The following SKAP2 variants were observed in gnomAD, a reference collection of about 807,000 sequenced individuals.
The protein encoded by SKAP2 is src kinase associated phosphoprotein 2, also known as src kinase-associated phosphoprotein 2.
A neutral mutation model predicts 54.9 loss-of-function variants in SKAP2; 28 were observed. The ratio of observed to expected loss-of-function variants is 0.51; its 90% CI spans 0.38 to 0.70. The LOEUF (loss-of-function observed/expected upper bound fraction) is 0.70. Among genes scored for constraint, SKAP2 ranks in the 30% least tolerant of loss-of-function variants. SKAP2 has a pLI of 0.00. For missense variants in SKAP2, 356 were observed against 424.1 expected, an observed-to-expected ratio of 0.84 and a Z score of 1.41; for synonymous variants, 137 against 134.3, an observed-to-expected ratio of 1.02 and a Z score of -0.14.
chr7:26,854,061 G>A (rs963235989), intron 3 of SKAP2, 76 bp downstream of exon 3: 2 of 899,426 alleles, frequency 2.2e-6, no homozygotes, highest in Non-Finnish European at 1.7e-6. Flanking sequence ...TCAAATTTCA[G>A]TATGTGTTAG....
At chr7:26,740,045 C>A in intron 4 of SKAP2, 81 bp from the exon 5 acceptor site, 2 of 824,542 alleles carry the variant, frequency 2.4e-6, no homozygotes, top group South Asian at 1.6e-5. Flanking sequence ...TCATTAGATT[C>A]AGTGTGCTTT....
intron 4 of SKAP2, among the ~76,000 whole-genome samples, chr7:26,812,274 G>C (rs374269632): frequency 6.6e-6 from 1 of 151,970 alleles, no homozygotes; most frequent in African/African-American, 2.4e-5. Flanking sequence ...TATATCCTAA[G>C]GTCCTTTTAC....
intron 4 of SKAP2, among the ~76,000 whole-genome samples, chr7:26,740,822 C>G (rs201197954): frequency 6.6e-6 from 1 of 152,140 alleles, no homozygotes; most frequent in East Asian, 1.9e-4. Flanking sequence ...CTGGTCTCTA[C>G]TAAAACTACA....
intron 6 of SKAP2, among the ~76,000 whole-genome samples, 169 bp downstream of exon 6, chr7:26,738,626 G>A (rs1312847176): frequency 6.6e-6 from 1 of 152,040 alleles, no homozygotes; most frequent in Non-Finnish European, 1.5e-5. Flanking sequence ...CTGGTATTTG[G>A]AGCATTTGTC....
chr7:26,725,552 A>G lies in SKAP2; in HGVS notation c.672T>C (p.Asp224=). The G allele has an allele frequency of 1.9e-6, 3 of 1,601,456 alleles. No individual in the cohort carries two copies. Among genetic ancestry groups the G allele is most frequent in the Non-Finnish European group, 2.6e-6 (3 of 1,174,014 alleles). The change falls in exon 9 of 13, where the codon GAT becomes GAC. Residue 224 remains aspartate (D), a synonymous_variant. Coordinates refer to ENST00000345317, the MANE Select transcript of SKAP2 (RefSeq NM_003930.5). ...LKFVLQDMES[D]IIPEDYDERG... ...TCTCATCATAATCCTCAGGAATAAT[A>G]TCAGATTCCATATCTATAAAACACA...
At chr7:26,656,238 A>G in the SKAP2 span, among the ~76,000 whole-genome samples, 1 of 152,162 alleles carries the variant, frequency 6.6e-6, no homozygotes, top group Non-Finnish European at 1.5e-5. Flanking sequence ...AAAATTCAAT[A>G]CCTTCTTGCA....
intron 4 of SKAP2, among the ~76,000 whole-genome samples, chr7:26,742,708 A>G (rs1427245316): frequency 4.6e-5 from 7 of 151,256 alleles, no homozygotes; most frequent in Admixed American, 4.6e-4. Context: ...GGATTTGCTT[A>G]ATAGCCATAT....
downstream of SKAP2, among the ~76,000 whole-genome samples, chr7:26,665,466 CTCTTT>C (rs1334621118): frequency 2.0e-5 from 3 of 152,130 alleles, no homozygotes; most frequent in Non-Finnish European, 4.4e-5. Flanking sequence ...ACTAGTCAAG[CTCTTT>C]TCTTCTTAAA....
intron 9 of SKAP2, among the ~76,000 whole-genome samples, chr7:26,719,609 T>C (rs1787534478): frequency 6.6e-6 from 1 of 152,220 alleles, no homozygotes; most frequent in Non-Finnish European, 1.5e-5. Flanking sequence ...AAGGTATTTT[T>C]AGAAACCTCT....
chr7:26,787,677 T>C (rs1783582076), intron 4 of SKAP2, among the ~76,000 whole-genome samples: 1 of 151,988 alleles, frequency 6.6e-6, no homozygotes, highest in African/African-American at 2.4e-5. Flanking sequence ...TGGTGTTTCA[T>C]ATGGCAGAGC....
intron 4 of SKAP2, among the ~76,000 whole-genome samples, chr7:26,817,683 A>G (rs1490652171): frequency 6.6e-6 from 1 of 152,218 alleles, no homozygotes; most frequent in Non-Finnish European, 1.5e-5. Context: ...TTGTATATTT[A>G]GAAAACCCCA....
intron 4 of SKAP2, among the ~76,000 whole-genome samples, chr7:26,798,715 C>A (rs1425459263): frequency 1.3e-5 from 2 of 152,026 alleles, no homozygotes; most frequent in Non-Finnish European, 2.9e-5. Flanking sequence ...AAGACACAGT[C>A]AATACAATAA....
intron 4 of SKAP2, among the ~76,000 whole-genome samples, chr7:26,764,499 A>T (rs1050529949): frequency 6.6e-6 from 1 of 152,064 alleles, no homozygotes; most frequent in African/African-American, 2.4e-5. Context: ...AATAATTTTT[A>T]AAATATATTG....
At chr7:26,769,847 G>A (rs965290352) in intron 4 of SKAP2, among the ~76,000 whole-genome samples, 8 of 151,946 alleles carry the variant, frequency 5.3e-5, no homozygotes, top group African/African-American at 1.9e-4. Flanking sequence ...GAGGGCACCC[G>A]CCAGATGCCA....
intron 4 of SKAP2, among the ~76,000 whole-genome samples, chr7:26,750,617 C>A (rs1782660941): frequency 6.6e-6 from 1 of 152,022 alleles, no homozygotes; most frequent in Non-Finnish European, 1.5e-5. Context: ...GGCCAATATA[C>A]CATACATTTA....
intron 4 of SKAP2, among the ~76,000 whole-genome samples, chr7:26,830,345 T>C (rs1784572807): frequency 6.6e-6 from 1 of 152,142 alleles, no homozygotes; most frequent in African/African-American, 2.4e-5. Context: ...ACTTACATAA[T>C]TCTGTGACCA....
intron 4 of SKAP2, among the ~76,000 whole-genome samples, chr7:26,803,015 A>G (rs995545280): frequency 6.6e-6 from 1 of 152,186 alleles, no homozygotes; most frequent in African/African-American, 2.4e-5. Context: ...CTATGAAACT[A>G]CTACAAGAAA....
At chr7:26,706,047 A>T (rs1255210901) in intron 9 of SKAP2, among the ~76,000 whole-genome samples, 1 of 152,188 alleles carries the variant, frequency 6.6e-6, no homozygotes, top group Non-Finnish European at 1.5e-5. Context: ...TTTATTGTAT[A>T]AGTGTTATTA....
intron 9 of SKAP2, among the ~76,000 whole-genome samples, chr7:26,694,139 A>G (rs1786846583): frequency 6.6e-6 from 1 of 152,142 alleles, no homozygotes; most frequent in Non-Finnish European, 1.5e-5. Context: ...TTAAATATGT[A>G]TTATTTTGGT....
Sources: allele counts gnomAD v4.1 joint callset (sites outside exome capture counted in the v4.1 genomes callset), GRCh38; gene constraint gnomAD v4.1.1; transcripts MANE v1.5; gene names NCBI Gene and HGNC (gene_info 2026-07-23, HGNC 2026-07-21).